The following MPP3 variants were observed in gnomAD, a reference collection of about 807,000 sequenced individuals.
MPP3 encodes the protein MAGUK p55 subfamily member 3.
MPP3 carries 48 observed loss-of-function variants against 80.7 expected under a neutral mutation model. The observed-to-expected ratio is 0.59, with a 90% CI of 0.47 to 0.76. The LOEUF is 0.76. Among genes scored for constraint, MPP3 ranks in the 30% least tolerant of loss-of-function variants. The pLI is 0.00. For synonymous variants in MPP3, 311 were observed against 297.6 expected (o/e 1.04, Z -0.46); for missense variants, 620 against 763.0 (o/e 0.81, Z 2.21).
chr17:43,825,895 C>T (rs529292948), intron 8 of MPP3, 54 bp from the exon 9 acceptor site: 78 of 1,133,884 alleles, frequency 6.9e-5, no homozygotes, highest in Non-Finnish European at 2.7e-5. Context: ...GAGCACCCCT[C>T]GCTCAGAGCT....
intron 16 of MPP3, 88 bp from the exon 17 acceptor site, chr17:43,811,293 T>G: frequency 1.0e-6 from 1 of 981,206 alleles, no homozygotes; most frequent in Non-Finnish European, 1.6e-6. Context: ...CATTTGGGAG[T>G]TCACTGCTGC....
At chr17:43,822,573 TC>T (rs1439186035) in intron 10 of MPP3, among the ~76,000 whole-genome samples, 1 of 147,826 alleles carries the variant, frequency 6.8e-6, no homozygotes, top group Admixed American at 7.0e-5. Flanking sequence ...ACAAGAGCCT[TC>T]TACCAGGCCT....
chr17:43,809,864 G>C (rs1005733597), intron 18 of MPP3, among the ~76,000 whole-genome samples: 7 of 152,026 alleles, frequency 4.6e-5, no homozygotes, highest in Admixed American at 3.3e-4. Flanking sequence ...GGGTGACAGA[G>C]CAAGAATCTG....
chr17:43,819,084 G>C (rs552611307), intron 11 of MPP3: 1 of 152,332 alleles, frequency 6.6e-6, no homozygotes, highest in Admixed American at 6.5e-5. Flanking sequence ...AGAATCGCCT[G>C]GAACATTTGT....
chr17:43,825,513 G>A, intron 9 of MPP3: 1 of 424,132 alleles, frequency 2.4e-6, no homozygotes, highest in Non-Finnish European at 4.3e-6. Context: ...GGGAACCAGG[G>A]GAAGGAAGGA....
intron 11 of MPP3, 53 bp downstream of exon 11, chr17:43,820,809 C>T: frequency 6.4e-7 from 1 of 1,566,918 alleles, no homozygotes; most frequent in Non-Finnish European, 8.8e-7. Flanking sequence ...CTGCCATGTA[C>T]CTGTGCCTCT....
Position 43,811,125 on chromosome 17 carries a change from A to C in MPP3, c.1336T>G (p.Leu446Val). 1 of 1,614,082 alleles carries C rather than the reference A, an allele frequency of 6.2e-7. No homozygotes were observed. ...CAAGCAACGTACTTGTTGTGATGTA[A>C]GTCGGCCTCAAATGCTTGCTTAGAC... Reference protein sequence around the residue: ...FVSKQAFEADLHHNKFLEHGE... With the variant: ...FVSKQAFEADVHHNKFLEHGE... The change falls in exon 17 of 20, where the codon TTA (leucine) becomes GTA (valine). Residue 446 changes from leucine to valine, a missense_variant. By Grantham distance (32) the Leu-to-Val change is conservative. Coordinates refer to ENST00000398389, the MANE Select transcript of MPP3 (RefSeq NM_001932.6).
intron 19 of MPP3, among the ~76,000 whole-genome samples, chr17:43,808,240 C>G (rs924867065): frequency 6.6e-6 from 1 of 152,178 alleles, no homozygotes; most frequent in African/African-American, 2.4e-5. Context: ...ATGAAACCAG[C>G]TATATAGGAC....
intron 7 of MPP3, 57 bp downstream of exon 7, chr17:43,829,597 G>T: frequency 1.3e-6 from 2 of 1,594,732 alleles, no homozygotes; most frequent in Non-Finnish European, 1.7e-6. Flanking sequence ...AGTGTTCTGG[G>T]TGGGGGTGAG....
At chr17:43,814,855 G>C (rs1207785793) in intron 14 of MPP3, among the ~76,000 whole-genome samples, 1 of 152,190 alleles carries the variant, frequency 6.6e-6, no homozygotes. Flanking sequence ...GAGAGATTTA[G>C]GGTTAAAGGG....
chr17:43,813,869 T>G, intron 16 of MPP3, 142 bp downstream of exon 16: 1 of 704,234 alleles, frequency 1.4e-6, no homozygotes, highest in Non-Finnish European at 2.4e-6. Context: ...CATGCCTTTG[T>G]CCCACAATTT....
chr17:43,824,917 G>A (rs2045628076), intron 9 of MPP3: 2 of 152,396 alleles, frequency 1.3e-5, no homozygotes, highest in Admixed American at 6.5e-5. Flanking sequence ...TGGGATTACA[G>A]GGGCCCACAA....
chr17:43,820,498 G>A (rs544358469), intron 11 of MPP3, among the ~76,000 whole-genome samples: 5 of 151,374 alleles, frequency 3.3e-5, no homozygotes, highest in East Asian at 2.0e-4. Context: ...AGGCTGAGGC[G>A]GGAGAATTGC....
Position 43,818,045 on chromosome 17 carries a change from C to G in MPP3, c.946+1G>C. ...AGTGCCATCCCTGACAATCTACTCA[C>G]AGGGGGGCTTCCTGAGGCTCTGGGG... On this transcript the variant is annotated splice_donor_variant, in intron 12 of 19. Transcript: ENST00000398389. LOFTEE classifies it high-confidence loss of function. 6.3e-7 allele frequency: 1 copy of G among 1,582,770 alleles called. No individual in the cohort carries two copies. The highest frequency in any genetic ancestry group is 1.2e-5 in the South Asian group (1 of 86,572).
At chr17:43,808,683 G>A (rs565992238) in intron 19 of MPP3, among the ~76,000 whole-genome samples, 15 of 152,354 alleles carry the variant, frequency 9.8e-5, no homozygotes, top group Admixed American at 2.6e-4. Context: ...CACATTTTGC[G>A]GGAGGGCGCT....
intron 7 of MPP3, among the ~76,000 whole-genome samples, 176 bp downstream of exon 7, chr17:43,829,478 T>C (rs1011974748): frequency 6.6e-6 from 1 of 152,040 alleles, no homozygotes; most frequent in Non-Finnish European, 1.5e-5. Context: ...AGGGGCTGTA[T>C]CCACCTAGAG....
chr17:43,816,220 T>A, intron 13 of MPP3, 141 bp from the exon 14 acceptor site: 1 of 706,538 alleles, frequency 1.4e-6, no homozygotes, highest in Non-Finnish European at 2.3e-6. Flanking sequence ...TCCCATGTCC[T>A]GGACACCCCA....
chr17:43,827,816 C>T lies in MPP3; in HGVS notation c.458G>A (p.Arg153Gln), dbSNP rs773985931. 1.2e-6 allele frequency: 2 copies of T among 1,613,232 alleles called. No individual in the cohort carries two copies. Among genetic ancestry groups the T allele is most frequent in the South Asian group, 1.1e-5 (1 of 91,086 alleles). ...NKEPLGATIR[R>Q]DEHSGAVVVA... ...CACAACAGCCCCTGAGTGCTCGTCC[C>T]GCCGGATGGTGGCACCCTGAACCCG... is the stretch of plus-strand genomic sequence containing the variant. Residue 153 changes from arginine (R) to glutamine (Q), a missense_variant, in exon 8 of 20, where the codon CGG becomes CAG. Arg to Gln is a conservative substitution (Grantham distance 43). Transcript: ENST00000398389.
At chr17:43,828,723 T>G (rs1298319506) in intron 7 of MPP3, among the ~76,000 whole-genome samples, 1 of 152,198 alleles carries the variant, frequency 6.6e-6, no homozygotes, top group Admixed American at 6.5e-5. Context: ...CGTAAGATAA[T>G]TATTGCTAGA....
Sources: allele counts gnomAD v4.1 joint callset (sites outside exome capture counted in the v4.1 genomes callset), GRCh38; gene constraint gnomAD v4.1.1; transcripts MANE v1.5; gene names NCBI Gene and HGNC (gene_info 2026-07-23, HGNC 2026-07-21).